The following NMI variants were observed in gnomAD, a reference collection of about 807,000 sequenced individuals.
The protein encoded by NMI is N-myc and STAT interactor.
Under a neutral mutation model 34.3 loss-of-function variants are expected in NMI, and 39 were observed. The observed-to-expected ratio is 1.14, with a 90% CI of 0.88 to 1.49. The LOEUF (loss-of-function observed/expected upper bound fraction) is 1.49. Among genes scored for constraint, NMI ranks in the 40% most tolerant of loss-of-function variants. NMI has a pLI of 0.00. For synonymous variants in NMI, 113 were observed against 120.3 expected, an observed-to-expected ratio of 0.94 and a Z score of 0.40; for missense variants, 339 against 358.1, an observed-to-expected ratio of 0.95 and a Z score of 0.43.
rs1683278484 is a variant in NMI at position 151,275,588 on chromosome 2, A to G, written c.530T>C (p.Leu177Pro). ...TLREDQMRDKLELSFSKSRNG... is the reference protein window; with the variant it reads ...TLREDQMRDKPELSFSKSRNG... ...TCGGGACTTTGAAAAGCTCAGCTCT[A>G]GTTTGTCTCTCATTTGATCTTCACG... Residue 177 changes from leucine (L) to proline (P), a missense_variant, in exon 6 of 8, where the codon CTA becomes CCA. Physicochemically the swap from Leu to Pro is moderately conservative, Grantham distance 98. Coordinates refer to ENST00000243346, the MANE Select transcript of NMI (RefSeq NM_004688.3). 3 of 1,614,048 alleles carry G rather than the reference A, an allele frequency of 1.9e-6. No individual in the cohort carries two copies. Among genetic ancestry groups the G allele is most frequent in the Non-Finnish European group, 2.5e-6 (3 of 1,180,024 alleles).
chr2:151,271,489 C>T (rs745407578), intron 7 of NMI, 137 bp downstream of exon 7: 9 of 652,084 alleles, frequency 1.4e-5, no homozygotes, highest in Non-Finnish European at 2.5e-5. Context: ...TTGCACCAAG[C>T]AAAAATGAAG....
chr2:151,282,656 C>A (rs1683426643), intron 2 of NMI: 1 of 311,962 alleles, frequency 3.2e-6, no homozygotes, highest in South Asian at 7.3e-5. Context: ...AGTGAGAAAG[C>A]AGCTAGTGTT....
chr2:151,274,484 G>T (rs114904879), intron 6 of NMI, among the ~76,000 whole-genome samples: 65,260 of 115,674 alleles, frequency 0.56, 15,533 homozygotes, highest in Admixed American at 0.63. Context: ...GTCTCTTTTT[G>T]TTTTTTTTTG....
intron 6 of NMI, among the ~76,000 whole-genome samples, chr2:151,273,233 CT>C (rs1479323085): frequency 1.3e-5 from 2 of 151,950 alleles, no homozygotes; most frequent in African/African-American, 2.4e-5. Context: ...GCCTCAGTTT[CT>C]TTTTCTGTAA....
At position 151,275,684 on chromosome 2, in the gene NMI, T is replaced by C. The variant is rs1270170402; in HGVS notation, c.448-14A>G. Reference sequence around the variant, plus strand: ...TTCTACATAAACCTGGAAAATGATTTGATGTTCAGAAATATGGATGAGAGA... The same window carrying C: ...TTCTACATAAACCTGGAAAATGATTCGATGTTCAGAAATATGGATGAGAGA... On this transcript the variant is annotated splice_polypyrimidine_tract_variant and intron_variant, in intron 5 of 7. Coordinates refer to ENST00000243346, the MANE Select transcript of NMI (RefSeq NM_004688.3). 1 of 1,613,250 alleles carries C rather than the reference T, an allele frequency of 6.2e-7. No individual in the cohort carries two copies. The highest frequency in any genetic ancestry group is 1.3e-5 in the African/African-American group (1 of 74,910).
At chr2:151,282,308 A>G (rs923098108) in intron 2 of NMI, among the ~76,000 whole-genome samples, 4 of 152,254 alleles carry the variant, frequency 2.6e-5, no homozygotes, top group African/African-American at 9.6e-5. Context: ...AAAGTTGTAT[A>G]GTAAGGCAAA....
intron 6 of NMI, among the ~76,000 whole-genome samples, chr2:151,274,632 C>T (rs1262588541): frequency 1.3e-5 from 2 of 150,642 alleles, no homozygotes; most frequent in Non-Finnish European, 3.0e-5. Context: ...TGCGCCACCA[C>T]ACCTGGCTAA....
At chr2:151,272,322 T>C (rs1482438780) in intron 6 of NMI, among the ~76,000 whole-genome samples, 1 of 152,210 alleles carries the variant, frequency 6.6e-6, no homozygotes, top group East Asian at 1.9e-4. Flanking sequence ...GACTGTAACA[T>C]TTAACAAAAA....
chr2:151,274,566 C>A (rs1306827087), intron 6 of NMI, among the ~76,000 whole-genome samples: 1 of 150,598 alleles, frequency 6.6e-6, no homozygotes. Context: ...ACCTCCACCT[C>A]CTGGGTTCAA....
At chr2:151,281,223 G>A (rs1683396937) in intron 3 of NMI, among the ~76,000 whole-genome samples, 1 of 152,118 alleles carries the variant, frequency 6.6e-6, no homozygotes, top group Non-Finnish European at 1.5e-5. Flanking sequence ...GAAAATTTAG[G>A]AGAGAATTTA....
At chr2:151,281,516 T>C (rs1275936041) in intron 3 of NMI, among the ~76,000 whole-genome samples, 1 of 152,204 alleles carries the variant, frequency 6.6e-6, no homozygotes, top group Non-Finnish European at 1.5e-5. Flanking sequence ...ACGCAGATGA[T>C]AGGCAGGACA....
intron 1 of NMI, among the ~76,000 whole-genome samples, chr2:151,288,593 G>C (rs1158844251): frequency 6.6e-6 from 1 of 152,064 alleles, no homozygotes; most frequent in Non-Finnish European, 1.5e-5. Context: ...GTGTGCGCGC[G>C]CGCGCGCGTT....
chr2:151,288,971 C>A (rs1339618192), intron 1 of NMI: 6 of 152,296 alleles, frequency 3.9e-5, no homozygotes, highest in Non-Finnish European at 8.8e-5. Context: ...GGGCCGGGCG[C>A]GGTGGCTCAC....
chr2:151,287,328 T>C (rs58470262), intron 1 of NMI, among the ~76,000 whole-genome samples: 3,915 of 148,416 alleles, frequency 0.026, 163 homozygotes, highest in African/African-American at 0.092. Flanking sequence ...CTCACACACA[T>C]ACACACACAC....
At position 151,279,081 on chromosome 2, in the gene NMI, A is replaced by T; in HGVS notation, c.178-91T>A. 5.0e-6 allele frequency: 4 copies of T among 797,414 alleles called. No individual in the cohort carries two copies. The South Asian group carries it at 7.3e-5, about 14-fold the overall frequency. The allele number at this position is 797,414 out of a possible 1,614,324, so 49.4% of individuals were successfully genotyped here. ...ATGTAATTTGGTCATCCAATAATTC[A>T]TTCCCCACTAATTTTAGAACCTTGT... On this transcript the variant is annotated intron_variant, in intron 3 of 7. Coordinates refer to ENST00000243346, the MANE Select transcript of NMI (RefSeq NM_004688.3).
At chr2:151,271,530 T>C (rs897833448) in intron 7 of NMI, 96 bp downstream of exon 7, 70 of 730,684 alleles carry the variant, frequency 9.6e-5, no homozygotes, top group Non-Finnish European at 1.5e-4. Context: ...CCCTCATTGA[T>C]AAGATGCATA....
At chr2:151,283,171 C>T (rs10172668) in intron 1 of NMI, among the ~76,000 whole-genome samples, 89,782 of 150,870 alleles carry the variant, frequency 0.6, 26,899 homozygotes, top group Admixed American at 0.66. Flanking sequence ...GACAGAGTCT[C>T]TCTCTGTCGC....
In NMI at chr2:151,282,697, T is replaced by G. The variant is rs12328560; in HGVS notation, c.81+171A>C. ...CCTTATAAGAGAAAGAATAAAAATA[T>G]GACACTTCTTGTAAGGCTTAAATAA... is the stretch of plus-strand genomic sequence containing the variant. On this transcript the variant is annotated intron_variant, in intron 2 of 7. Coordinates refer to ENST00000243346, the MANE Select transcript of NMI (RefSeq NM_004688.3). The G allele has an allele frequency of 1.7e-3, 698 of 413,054 alleles. 4 individuals carry two copies. The highest frequency in any genetic ancestry group is 0.013 in the African/African-American group (648 of 48,294). The allele number at this position is 413,054 out of a possible 1,614,324, so 25.6% of individuals were successfully genotyped here.
At chr2:151,286,024 T>C (rs1032549632) in intron 1 of NMI, among the ~76,000 whole-genome samples, 3 of 152,202 alleles carry the variant, frequency 2.0e-5, no homozygotes, top group Non-Finnish European at 4.4e-5. Flanking sequence ...TTAGAAATTT[T>C]GATGAAGAAA....
Sources: allele counts gnomAD v4.1 joint callset (sites outside exome capture counted in the v4.1 genomes callset), GRCh38; gene constraint gnomAD v4.1.1; transcripts MANE v1.5; gene names NCBI Gene and HGNC (gene_info 2026-07-23, HGNC 2026-07-21).